SLC26A7: variants seen among roughly 807,000 people sequenced by gnomAD.
SLC26A7 encodes solute carrier family 26 member 7.
A neutral mutation model predicts 82.5 loss-of-function variants in SLC26A7; 59 were observed. The ratio of observed to expected loss-of-function variants is 0.72; its 90% CI spans 0.58 to 0.89. The LOEUF is 0.89. Ranked by LOEUF, SLC26A7 falls within the 40% of genes least tolerant of loss-of-function variation. The pLI is 0.00. For synonymous variants in SLC26A7, 271 were observed against 274.3 expected, an observed-to-expected ratio of 0.99 and a Z score of 0.12; for missense variants, 820 against 793.0, an observed-to-expected ratio of 1.03 and a Z score of -0.41.
chr8:91,334,564 TA>T, intron 6 of SLC26A7, 117 bp downstream of exon 6: 1 of 841,998 alleles, frequency 1.2e-6, no homozygotes, highest in Non-Finnish European at 1.7e-6. Flanking sequence ...TGTCTCTCAT[TA>T]AAGCAGGGCT....
rs141820751 is a variant in SLC26A7, at chr8:91,262,007, C to T, written c.193+12163C>T. Reference sequence around the variant, plus strand: ...ACCATTGGACGTGAACTCCTCCTACCAGGAAATGTATCCTCTTCAGAGTGT... The same window carrying T: ...ACCATTGGACGTGAACTCCTCCTACTAGGAAATGTATCCTCTTCAGAGTGT... On this transcript the variant is annotated intron_variant, in intron 2 of 18. Coordinates refer to ENST00000276609, the MANE Select transcript of SLC26A7 (RefSeq NM_052832.4). Among the ~76,000 whole-genome samples, 900 of 152,122 alleles carry T rather than the reference C, an allele frequency of 5.9e-3. 8 individuals carry two copies. Among genetic ancestry groups the T allele is most frequent in the Non-Finnish European group, 9.8e-3 (667 of 67,966 alleles).
At position 91,343,338 on chromosome 8, in the gene SLC26A7, T is replaced by C. The variant is rs373151083; in HGVS notation, c.1027-15T>C. The C allele has an allele frequency of 5.0e-5, 75 of 1,487,666 alleles. No homozygotes were observed. Among genetic ancestry groups the C allele is most frequent in the Non-Finnish European group, 6.5e-5 (70 of 1,075,346 alleles). The allele number at this position is 1,487,666 out of a possible 1,614,324, so 92.2% of individuals were successfully genotyped here. ...TGTGATTAAGATATTATATATTCTC[T>C]CATGAATCTTGCAGGAATTTTTGGC... On this transcript the variant is annotated splice_polypyrimidine_tract_variant and intron_variant, in intron 8 of 18. Transcript: ENST00000276609.
intron 2 of SLC26A7, among the ~76,000 whole-genome samples, chr8:91,230,300 G>C (rs1490637850): frequency 6.6e-6 from 1 of 152,148 alleles, no homozygotes; most frequent in Non-Finnish European, 1.5e-5. Flanking sequence ...TTATGTTCTA[G>C]ACAAAGTCCA....
chr8:91,325,621 G>A (rs1017373853), intron 5 of SLC26A7, among the ~76,000 whole-genome samples: 5 of 152,142 alleles, frequency 3.3e-5, no homozygotes, highest in African/African-American at 1.2e-4. Flanking sequence ...TCGTATGCCT[G>A]AGAAGCAGCC....
intron 4 of SLC26A7, among the ~76,000 whole-genome samples, chr8:91,306,930 A>G (rs1449916212): frequency 1.3e-5 from 2 of 150,982 alleles, no homozygotes; most frequent in African/African-American, 4.9e-5. Context: ...AGAATCTACA[A>G]TGAACTCAAA....
At chr8:91,267,735 TA>T (rs1391476941) in intron 2 of SLC26A7, among the ~76,000 whole-genome samples, 3 of 151,842 alleles carry the variant, frequency 2.0e-5, no homozygotes, top group Admixed American at 6.6e-5. Flanking sequence ...TTTCATATTT[TA>T]AAAAATCTAT....
At chr8:91,258,077 A>G (rs1013488490) in intron 2 of SLC26A7, among the ~76,000 whole-genome samples, 4 of 151,976 alleles carry the variant, frequency 2.6e-5, no homozygotes, top group African/African-American at 9.7e-5. Context: ...CCATGATTCA[A>G]TTACCTCCAC....
chr8:91,345,156 C>T (rs1038160189), intron 9 of SLC26A7, among the ~76,000 whole-genome samples: 1 of 151,662 alleles, frequency 6.6e-6, no homozygotes, highest in African/African-American at 2.4e-5. Flanking sequence ...GCTTTGTTGA[C>T]CAGGCTTATT....
At chr8:91,285,053 G>A (rs1327332086) in intron 2 of SLC26A7, among the ~76,000 whole-genome samples, 1 of 152,216 alleles carries the variant, frequency 6.6e-6, no homozygotes, top group Non-Finnish European at 1.5e-5. Flanking sequence ...CAAAATTAAG[G>A]TGTTGACAGG....
intron 9 of SLC26A7, among the ~76,000 whole-genome samples, chr8:91,349,203 A>G (rs907029681): frequency 3.3e-5 from 5 of 152,160 alleles, no homozygotes; most frequent in African/African-American, 1.2e-4. Flanking sequence ...AAGGGCATCA[A>G]CAATGATAAG....
At chr8:91,346,785 T>C (rs1195754005) in intron 9 of SLC26A7, among the ~76,000 whole-genome samples, 1 of 152,164 alleles carries the variant, frequency 6.6e-6, no homozygotes, top group Admixed American at 6.5e-5. Flanking sequence ...AGCCTCCTCT[T>C]GGCCTGTTCT....
chr8:91,392,024 C>T (rs1195440070), intron 16 of SLC26A7, among the ~76,000 whole-genome samples: 1 of 152,020 alleles, frequency 6.6e-6, no homozygotes, highest in East Asian at 1.9e-4. Flanking sequence ...TGGCACTGGA[C>T]ATGTTGAAAA....
intron 13 of SLC26A7, 150 bp downstream of exon 13, chr8:91,363,688 C>T: frequency 2.3e-6 from 1 of 432,248 alleles, no homozygotes; most frequent in East Asian, 4.2e-5. Flanking sequence ...TATGTGATCA[C>T]AATATATGTG....
intron 16 of SLC26A7, among the ~76,000 whole-genome samples, chr8:91,389,673 G>C (rs1368508947): frequency 6.6e-6 from 1 of 151,976 alleles, no homozygotes; most frequent in Non-Finnish European, 1.5e-5. Context: ...ATTTGCATGG[G>C]GTAGTCAGAG....
intron 1 of SLC26A7, among the ~76,000 whole-genome samples, chr8:91,217,864 A>G (rs1810082119): frequency 6.6e-6 from 1 of 152,126 alleles, no homozygotes; most frequent in South Asian, 2.1e-4. Flanking sequence ...CTTCATCCAA[A>G]ATATTTTACA....
intron 2 of SLC26A7, among the ~76,000 whole-genome samples, chr8:91,219,681 G>A (rs1810126975): frequency 6.6e-6 from 1 of 152,146 alleles, no homozygotes; most frequent in South Asian, 2.1e-4. Flanking sequence ...TTGGAATTGT[G>A]TTCTACTCAG....
At chr8:91,294,307 T>G (rs966584360) in intron 3 of SLC26A7, among the ~76,000 whole-genome samples, 1 of 152,224 alleles carries the variant, frequency 6.6e-6, no homozygotes, top group African/African-American at 2.4e-5. Flanking sequence ...TGAGGAATGC[T>G]GTTTATAGAC....
chr8:91,342,658 A>C (rs1813452856), intron 8 of SLC26A7, among the ~76,000 whole-genome samples: 1 of 152,228 alleles, frequency 6.6e-6, no homozygotes, highest in Non-Finnish European at 1.5e-5. Flanking sequence ...GCTGTAGCCC[A>C]ATTTAGGAAG....
upstream of SLC26A7, among the ~76,000 whole-genome samples, chr8:91,246,699 T>TCAAAAA (rs1810549405): frequency 6.7e-6 from 1 of 148,176 alleles, no homozygotes; most frequent in African/African-American, 2.6e-5. Context: ...AGACTCTGTC[T>TCAAAAA]TAAAAAAAAA....
Sources: gnomAD v4.1 joint callset for allele counts (sites outside exome capture counted in the v4.1 genomes callset) on GRCh38, gnomAD v4.1.1 for gene constraint, MANE v1.5 for transcripts, NCBI Gene and HGNC (gene_info 2026-07-23, HGNC 2026-07-21) for gene names.